The following TMEM200A variants were observed in gnomAD, a reference collection of about 807,000 sequenced individuals.
TMEM200A encodes the protein transmembrane protein 200A.
TMEM200A carries 12 observed loss-of-function variants against 24.3 expected under a neutral mutation model. The observed-to-expected ratio is 0.49, with a 90% confidence interval of 0.32 to 0.80. TMEM200A has a LOEUF of 0.80. TMEM200A is among the 30% of genes least tolerant of loss of function. TMEM200A has a pLI of 0.04. For synonymous variants in TMEM200A, 224 were observed against 224.4 expected (o/e 1.00, Z 0.02); for missense variants, 545 against 614.4 (o/e 0.89, Z 1.19).
At chr6:130,422,800 C>T (rs936405538) in intron 2 of TMEM200A, among the ~76,000 whole-genome samples, 2 of 152,058 alleles carry the variant, frequency 1.3e-5, no homozygotes, top group African/African-American at 4.8e-5. Flanking sequence ...GCATTTGGAC[C>T]CTTTCAACCA....
At chr6:130,431,119 G>A (rs1779864945) in intron 2 of TMEM200A, among the ~76,000 whole-genome samples, 1 of 152,120 alleles carries the variant, frequency 6.6e-6, no homozygotes, top group Non-Finnish European at 1.5e-5. Flanking sequence ...ATATTTAATA[G>A]TACATGGAAC....
At chr6:130,422,857 C>G (rs1583218908) in intron 2 of TMEM200A, among the ~76,000 whole-genome samples, 2 of 152,144 alleles carry the variant, frequency 1.3e-5, no homozygotes, top group East Asian at 3.9e-4. Context: ...TTTCTGGTAT[C>G]TTGCTAGTTA....
Position 130,441,498 on chromosome 6 carries a change from A to T in TMEM200A, c.1076A>T (p.Tyr359Phe), listed in dbSNP as rs1562577185. 5 of 1,614,064 alleles carry T rather than the reference A, an allele frequency of 3.1e-6. No individual in the cohort carries two copies. Among genetic ancestry groups the T allele is most frequent in the Middle Eastern group, 1.7e-4 (1 of 6,056 alleles). ...NSIGESLSSQ[Y>F]KSSMALGPGA... ...ATTGGGGAGTCGTTGTCGAGTCAGT[A>T]CAAGTCATCTATGGCTCTCGGACCT... is the stretch of plus-strand genomic sequence containing the variant. The change falls in exon 3 of 3, where the codon TAC (tyrosine) becomes TTC (phenylalanine). Residue 359 changes from tyrosine (Y) to phenylalanine (F), a missense_variant. Tyr to Phe is a conservative substitution (Grantham distance 22). Coordinates refer to ENST00000296978, the MANE Select transcript of TMEM200A (RefSeq NM_001258277.2).
chr6:130,385,444 A>C (rs557233658), intron 2 of TMEM200A, among the ~76,000 whole-genome samples: 1 of 152,334 alleles, frequency 6.6e-6, no homozygotes, highest in East Asian at 1.9e-4. Context: ...TGCAATAAGC[A>C]TTTTTAAATT....
intron 2 of TMEM200A, among the ~76,000 whole-genome samples, chr6:130,425,152 C>T (rs1779699901): frequency 6.6e-6 from 1 of 152,146 alleles, no homozygotes; most frequent in African/African-American, 2.4e-5. Context: ...GATTCAGTGA[C>T]AGATTCTGGT....
intron 2 of TMEM200A, among the ~76,000 whole-genome samples, chr6:130,415,667 A>G (rs1419377657): frequency 6.6e-6 from 1 of 152,060 alleles, no homozygotes; most frequent in Non-Finnish European, 1.5e-5. Context: ...TCCTCTACCC[A>G]CATGTCATGA....
At chr6:130,377,398 T>A (rs79444352) in intron 1 of TMEM200A, among the ~76,000 whole-genome samples, 3 of 152,146 alleles carry the variant, frequency 2.0e-5, no homozygotes, top group Non-Finnish European at 4.4e-5. Flanking sequence ...AGAGATACCA[T>A]CCTAGGGATT....
At chr6:130,394,396 A>G (rs1197449932) in intron 2 of TMEM200A, among the ~76,000 whole-genome samples, 1 of 152,166 alleles carries the variant, frequency 6.6e-6, no homozygotes, top group Non-Finnish European at 1.5e-5. Context: ...GGGAGCTGGA[A>G]TGCATCCCCG....
At chr6:130,421,135 A>C (rs1172224874) in intron 2 of TMEM200A, 1 of 152,128 alleles carries the variant, frequency 6.6e-6, no homozygotes, top group Non-Finnish European at 1.5e-5. Context: ...CATCAGAATC[A>C]CCTGGAGGAC....
At chr6:130,369,485 G>C (rs1356366130) in intron 1 of TMEM200A, among the ~76,000 whole-genome samples, 1 of 152,130 alleles carries the variant, frequency 6.6e-6, no homozygotes, top group Non-Finnish European at 1.5e-5. Context: ...CTCCAATTAC[G>C]AGCTCAAGAC....
At chr6:130,372,369 T>C (rs917609069) in intron 1 of TMEM200A, among the ~76,000 whole-genome samples, 1 of 152,188 alleles carries the variant, frequency 6.6e-6, no homozygotes, top group Non-Finnish European at 1.5e-5. Context: ...AGTAGGTTTT[T>C]TCCCCTCAGT....
intron 2 of TMEM200A, chr6:130,421,132 A>G (rs915435468): frequency 3.3e-5 from 5 of 152,274 alleles, no homozygotes; most frequent in African/African-American, 1.2e-4. Flanking sequence ...AGGCATCAGA[A>G]TCACCTGGAG....
At chr6:130,438,515 G>A (rs762254326) in intron 2 of TMEM200A, 4 of 152,128 alleles carry the variant, frequency 2.6e-5, no homozygotes, top group Non-Finnish European at 4.4e-5. Context: ...TATTTATTAT[G>A]AATCAAGATA....
intron 2 of TMEM200A, among the ~76,000 whole-genome samples, chr6:130,399,648 T>C (rs995260132): frequency 1.3e-5 from 2 of 151,460 alleles, no homozygotes; most frequent in Non-Finnish European, 2.9e-5. Flanking sequence ...TTCTTTTATT[T>C]ATTCCCTATT....
intron 1 of TMEM200A, among the ~76,000 whole-genome samples, chr6:130,375,732 G>A (rs931569822): frequency 6.6e-6 from 1 of 152,160 alleles, no homozygotes; most frequent in African/African-American, 2.4e-5. Flanking sequence ...TTTATACTCA[G>A]TGCACTGGAA....
intron 2 of TMEM200A, among the ~76,000 whole-genome samples, chr6:130,427,514 T>C (rs908201373): frequency 1.4e-5 from 2 of 142,442 alleles, no homozygotes; most frequent in African/African-American, 2.9e-5. Context: ...CATAGTTTCA[T>C]GTATTCTTGG....
chr6:130,391,806 G>T (rs914104184), intron 2 of TMEM200A, among the ~76,000 whole-genome samples: 1 of 130,696 alleles, frequency 7.7e-6, no homozygotes, highest in Non-Finnish European at 1.5e-5. Flanking sequence ...GCAGTGGCAC[G>T]ATCTCGGCTC....
At chr6:130,420,866 T>C (rs1007837485) in intron 2 of TMEM200A, among the ~76,000 whole-genome samples, 1 of 151,960 alleles carries the variant, frequency 6.6e-6, no homozygotes, top group Non-Finnish European at 1.5e-5. Context: ...TCCTACTCAT[T>C]TCTTCTTCCA....
At chr6:130,402,843 ATCC>A (rs1779119858) in intron 2 of TMEM200A, among the ~76,000 whole-genome samples, 1 of 152,090 alleles carries the variant, frequency 6.6e-6, no homozygotes, top group South Asian at 2.1e-4. Flanking sequence ...AAATATCCCT[ATCC>A]TCTATTAGAA....
Sources: gnomAD v4.1 joint callset for allele counts (sites outside exome capture counted in the v4.1 genomes callset) on GRCh38, gnomAD v4.1.1 for gene constraint, MANE v1.5 for transcripts, NCBI Gene and HGNC (gene_info 2026-07-23, HGNC 2026-07-21) for gene names.